PHEX: variants seen among roughly 807,000 people sequenced by gnomAD.
PHEX encodes the protein phosphate regulating endopeptidase X-linked, also known as phosphate-regulating neutral endopeptidase PHEX.
Under a neutral mutation model 68.0 loss-of-function variants are expected in PHEX, and 16 were observed. The observed-to-expected ratio is 0.24, with a 90% CI of 0.16 to 0.36. The LOEUF (loss-of-function observed/expected upper bound fraction) is 0.36, where lower values mean the gene tolerates loss of function less well. Ranked by LOEUF, PHEX falls within the 10% of genes least tolerant of loss-of-function variation. The pLI is 1.00. For synonymous variants in PHEX, 208 were observed against 205.1 expected, an observed-to-expected ratio of 1.01 and a Z score of -0.12; for missense variants, 480 against 575.5, an observed-to-expected ratio of 0.83 and a Z score of 1.70.
At position 22,248,136 on chromosome X, in the gene PHEX, G is replaced by A; in HGVS notation, c.*183G>A. On this transcript the variant is annotated 3_prime_UTR_variant, in exon 22 of 22. Transcript: ENST00000379374. Reference sequence around the variant, plus strand: ...TTCAAAGTTGTAGGGCTTATAAAGTGGAATATAAGAATGAACTAAGTATGT... The same window carrying A: ...TTCAAAGTTGTAGGGCTTATAAAGTAGAATATAAGAATGAACTAAGTATGT... 2 of 434,383 alleles carry A rather than the reference G, an allele frequency of 4.6e-6. No homozygotes were observed. Among genetic ancestry groups the A allele is most frequent in the Non-Finnish European group, 4.0e-6 (1 of 248,059 alleles). The allele number at this position is 434,383 out of a possible 1,213,427, so 35.8% of individuals were successfully genotyped here.
chrX:22,093,987 G>C lies in PHEX; in HGVS notation c.737G>C (p.Arg246Pro). Residue 246 changes from arginine to proline, a missense_variant, in exon 7 of 22, where the codon CGG becomes CCG. Physicochemically the swap from Arg to Pro is moderately radical, Grantham distance 103. Transcript: ENST00000379374. ...TTTGTTCTTTATTTCTTACAGTATCGGGATGCCCTTTACAAGTTCATGGTG... is the reference window on the plus strand; with the variant it reads ...TTTGTTCTTTATTTCTTACAGTATCCGGATGCCCTTTACAAGTTCATGGTG... The part of the protein sequence containing the change: ...LDNSTEAKSY[R>P]DALYKFMVDT... The C allele has an allele frequency of 2.6e-6, 3 of 1,163,090 alleles. No homozygotes were observed. The highest frequency in any genetic ancestry group is 3.5e-6 in the Non-Finnish European group (3 of 852,825).
At position 22,077,524 on chromosome X, in the gene PHEX, A is replaced by G; in HGVS notation, c.485A>G (p.His162Arg). 1.7e-6 allele frequency: 2 copies of G among 1,211,863 alleles called. No homozygotes were observed. Among genetic ancestry groups the G allele is most frequent in the Non-Finnish European group, 2.2e-6 (2 of 895,422 alleles). ...DAKPLLHILR[H>R]SPFRWPVLES... is the part of the protein sequence containing the mutation. ...AAGCCACTGCTACACATCCTACGGC[A>G]TTCACCTTTCCGCTGGCCCGTGCTT... is the stretch of plus-strand genomic sequence containing the variant. Residue 162 changes from histidine to arginine, a missense_variant, in exon 5 of 22, where the codon CAT becomes CGT. Transcript: ENST00000379374.
chrX:22,132,142 C>T (rs907193082), intron 11 of PHEX, among the ~76,000 whole-genome samples: 2 of 111,622 alleles, frequency 1.8e-5, no homozygotes, highest in South Asian at 3.8e-4. Flanking sequence ...CTCTGTCACC[C>T]AGGCTGAAGT....
intron 16 of PHEX, among the ~76,000 whole-genome samples, chrX:22,214,486 G>C (rs1157542657): frequency 1.8e-5 from 2 of 112,268 alleles, no homozygotes; most frequent in Non-Finnish European, 3.8e-5. Flanking sequence ...TACCACATGT[G>C]TGTTACAAAG....
At chrX:22,204,278 C>T (rs1386286729) in intron 15 of PHEX, among the ~76,000 whole-genome samples, 1 of 111,526 alleles carries the variant, frequency 9.0e-6, no homozygotes, top group Admixed American at 9.5e-5. Context: ...CTAAACCATT[C>T]CTACTCCAAA....
intron 20 of PHEX, among the ~76,000 whole-genome samples, chrX:22,230,319 G>A (rs1369374452): frequency 2.1e-5 from 2 of 93,784 alleles, no homozygotes; most frequent in African/African-American, 8.0e-5. Flanking sequence ...GAAAGTCAAT[G>A]GTAGCTTGAT....
In PHEX at chrX:22,235,092, C is replaced by T. The variant is rs1040492985; in HGVS notation, c.2070+7481C>T. Among the ~76,000 whole-genome samples, 13 of 111,278 alleles carry T rather than the reference C, an allele frequency of 1.2e-4. No homozygotes were observed. In the East Asian group the frequency reaches 3.7e-3, roughly 32 times the overall value. ...TTCCCTTGGGTAGGGGAGAAAATTCCCCGACCCCTTGCACTTCCTGGGTGA... is the reference window on the plus strand; with the variant it reads ...TTCCCTTGGGTAGGGGAGAAAATTCTCCGACCCCTTGCACTTCCTGGGTGA... On this transcript the variant is annotated intron_variant, in intron 20 of 21. Coordinates refer to ENST00000379374, the MANE Select transcript of PHEX (RefSeq NM_000444.6).
chrX:22,091,323 A>ACAC (rs1929874542), intron 6 of PHEX, among the ~76,000 whole-genome samples: 1 of 111,293 alleles, frequency 9.0e-6, no homozygotes, highest in African/African-American at 3.3e-5. Context: ...GGGAGGGTGT[A>ACAC]CCCCTGGTAT....
intron 11 of PHEX, among the ~76,000 whole-genome samples, chrX:22,117,919 T>A (rs1320831493): frequency 9.1e-6 from 1 of 109,522 alleles, no homozygotes; most frequent in Non-Finnish European, 1.9e-5. Context: ...AGGGCTCCCA[T>A]CCAAGAACCA....
chrX:22,220,312 GAA>G (rs1935229960), intron 17 of PHEX, among the ~76,000 whole-genome samples: 2 of 111,271 alleles, frequency 1.8e-5, no homozygotes, highest in African/African-American at 6.5e-5. Context: ...GGCTCTTCTA[GAA>G]AAGTCTTCCT....
At chrX:22,124,827 T>C (rs915522719) in intron 11 of PHEX, among the ~76,000 whole-genome samples, 1 of 111,984 alleles carries the variant, frequency 8.9e-6, no homozygotes, top group African/African-American at 3.2e-5. Context: ...TAACCCACTT[T>C]ATAGCACCAA....
rs765467684 is a variant in PHEX at position 22,168,620 on chromosome X, A to G, written c.1482+231A>G. On this transcript the variant is annotated intron_variant, in intron 13 of 21. Transcript: ENST00000379374. ...GATGCGTAGCTGAGTGGGTACCAAA[A>G]AACAAATGGACTTGGGTTTGGCCTA... 6.2e-5 allele frequency among the ~76,000 whole-genome samples: 7 copies of G among 112,237 alleles called. No homozygotes were observed. The East Asian group carries it at 2.0e-3, about 31-fold the overall frequency.
chrX:22,144,223 T>C (rs7052099), intron 12 of PHEX, among the ~76,000 whole-genome samples: 7,629 of 110,893 alleles, frequency 0.069, 633 homozygotes, highest in African/African-American at 0.23. Flanking sequence ...CATTTTTTTT[T>C]CCCAAGTTTC....
chrX:22,041,706 C>T (rs1364678729), intron 2 of PHEX, among the ~76,000 whole-genome samples: 2 of 110,401 alleles, frequency 1.8e-5, no homozygotes, highest in African/African-American at 6.6e-5. Context: ...GGTGCTTTGG[C>T]TGTGGTGGGG....
chrX:22,175,507 C>T, intron 13 of PHEX, among the ~76,000 whole-genome samples: 1 of 111,419 alleles, frequency 9.0e-6, no homozygotes, highest in Non-Finnish European at 1.9e-5. Context: ...TGTGCCACCA[C>T]ACCTGGTTAA....
chrX:22,042,391 C>T (rs1048227293), intron 2 of PHEX, among the ~76,000 whole-genome samples: 1 of 112,432 alleles, frequency 8.9e-6, no homozygotes, highest in African/African-American at 3.2e-5. Flanking sequence ...TTACAAGCCA[C>T]ATGATCCTGG....
At chrX:22,110,075 A>C (rs1342033247) in intron 9 of PHEX, among the ~76,000 whole-genome samples, 1 of 112,253 alleles carries the variant, frequency 8.9e-6, no homozygotes, top group Non-Finnish European at 1.9e-5. Context: ...GGTATTAGCC[A>C]ATATTTTGCT....
chrX:22,094,068 C>A lies in PHEX; in HGVS notation c.818C>A (p.Ser273Ter). ...NSSRAEHDMK[S>*]VLRLEIKIAE... ...TCCAGAGCAGAGCATGACATGAAGT[C>A]AGTGCTCAGATTGGAAATTAAGATA... The change falls in exon 7 of 22, where the codon TCA (serine) becomes TAA (stop). Residue 273 changes from serine to a stop codon, truncating the protein, a stop_gained. Transcript: ENST00000379374. LOFTEE classifies it high-confidence loss of function. The A allele has an allele frequency of 8.5e-7, 1 of 1,181,800 alleles. No individual in the cohort carries two copies. The highest frequency in any genetic ancestry group is 1.8e-5 in the South Asian group (1 of 56,184).
At position 22,249,290 on chromosome X, in the gene PHEX, C is replaced by G. The variant is rs966275512; in HGVS notation, c.*1337C>G. On this transcript the variant is annotated 3_prime_UTR_variant, in exon 22 of 22. Coordinates refer to ENST00000379374, the MANE Select transcript of PHEX (RefSeq NM_000444.6). ...AGTTGTTACCTGGCATTTTTGGTTT[C>G]TTAAAATAGGCATCCCCCTACTCCC... is the stretch of plus-strand genomic sequence containing the variant. The G allele has an allele frequency of 5.0e-5, 5 of 100,323 alleles. No homozygotes were observed. Among genetic ancestry groups the G allele is most frequent in the Non-Finnish European group, 1.0e-4 (5 of 50,188 alleles). 8.3% of individuals were successfully genotyped at this position (100,323 alleles called of 1,213,427 possible). A position where few individuals can be genotyped will look rare whatever the true frequency, so the allele number is the denominator to read the frequency against.
Sources: gnomAD v4.1 joint callset for allele counts (sites outside exome capture counted in the v4.1 genomes callset) on GRCh38, gnomAD v4.1.1 for gene constraint, MANE v1.5 for transcripts, NCBI Gene and HGNC (gene_info 2026-07-23, HGNC 2026-07-21) for gene names.